The following PLIN2 variants were observed in gnomAD, a reference collection of about 807,000 sequenced individuals.
PLIN2 encodes the protein perilipin 2.
Under a neutral mutation model 30.6 loss-of-function variants are expected in PLIN2, and 33 were observed. The observed-to-expected ratio is 1.08, with a 90% CI of 0.82 to 1.44. PLIN2 has a LOEUF of 1.44. Ranked by LOEUF, PLIN2 falls within the 40% of genes most tolerant of loss-of-function variation. The probability of loss-of-function intolerance (pLI) is 0.00; values close to 1 mark genes in which losing one functional copy is unlikely to be tolerated. For synonymous variants in PLIN2, 205 were observed against 201.1 expected (o/e 1.02, Z -0.16); for missense variants, 610 against 531.8 (o/e 1.15, Z -1.45).
chr9:19,112,742 A>G (rs1818174239), downstream of PLIN2, among the ~76,000 whole-genome samples: 2 of 151,818 alleles, frequency 1.3e-5, no homozygotes, highest in Non-Finnish European at 1.5e-5. Flanking sequence ...GAACACCACA[A>G]ATCCTGAGAC....
chr9:19,119,848 G>A lies in PLIN2; in HGVS notation c.596-17C>T, dbSNP rs928106107. On this transcript the variant is annotated splice_polypyrimidine_tract_variant and intron_variant, in intron 5 of 7. Transcript: ENST00000276914. The stretch of plus-strand genomic sequence containing the variant: ...CTTCTTTTTCTGAAGTTAGAAATAA[G>A]AGACAAAAAAACTTAAGGGATCACA... 11 of 1,539,292 alleles carry A rather than the reference G, an allele frequency of 7.1e-6. No homozygotes were observed. In the Admixed American group the frequency reaches 1.4e-4, roughly 19 times the overall value.
At chr9:19,112,889 T>G (rs905267169), downstream of PLIN2, among the ~76,000 whole-genome samples, 25 of 152,048 alleles carry the variant, frequency 1.6e-4, no homozygotes, top group African/African-American at 6.0e-4. Context: ...TGTTCTACAT[T>G]TTATTCTGCC....
intron 2 of PLIN2, among the ~76,000 whole-genome samples, chr9:19,109,706 G>A (rs894470120): frequency 2.6e-5 from 4 of 151,974 alleles, no homozygotes; most frequent in African/African-American, 7.2e-5. Flanking sequence ...GGTGGCTCAC[G>A]CCTGTAATCC....
At chr9:19,111,531 A>C (rs552351416), downstream of PLIN2, among the ~76,000 whole-genome samples, 23 of 151,814 alleles carry the variant, frequency 1.5e-4, no homozygotes, top group African/African-American at 5.6e-4. Flanking sequence ...CTTAACCCTC[A>C]CCAGTCCTAA....
In PLIN2 at chr9:19,119,671, C is replaced by A. The variant is rs1818281408; in HGVS notation, c.756G>T (p.Gln252His). Residue 252 changes from glutamine (Q) to histidine (H), a missense_variant, in exon 6 of 8, where the codon CAG (glutamine) becomes CAT (histidine). Transcript: ENST00000276914. ...AKQKSQQTIS[Q>H]LHSTVHLIEF... Reference sequence around the variant, plus strand: ...TCACCAGGTGAACAGTAGAATGGAGCTGAGAAATGGTCTGTTGGCTTTTTT... The same window carrying A: ...TCACCAGGTGAACAGTAGAATGGAGATGAGAAATGGTCTGTTGGCTTTTTT... 1.9e-6 allele frequency: 3 copies of A among 1,601,096 alleles called. No homozygotes were observed. The South Asian group carries it at 3.3e-5, about 18-fold the overall frequency.
rs776841814 is a variant in PLIN2, at chr9:19,119,825, T to C, written c.602A>G (p.Glu201Gly). 6.4e-7 allele frequency: 1 copy of C among 1,561,306 alleles called. No individual in the cohort carries two copies. The highest frequency in any genetic ancestry group is 1.2e-5 in the South Asian group (1 of 85,848). Reference protein sequence around the residue: ...LPLTEEELEKEAKKVEGFDLV... With the variant: ...LPLTEEELEKGAKKVEGFDLV... ...ATCAAATCCTTCAACTTTTTTTGCT[T>C]CTTTTTCTGAAGTTAGAAATAAGAG... Residue 201 changes from glutamate to glycine, a missense_variant, in exon 6 of 8, where the codon GAA (glutamate) becomes GGA (glycine). Physicochemically the swap from Glu to Gly is moderately conservative, Grantham distance 98 (BLOSUM62 -2). Coordinates refer to ENST00000276914, the MANE Select transcript of PLIN2 (RefSeq NM_001122.4).
downstream of PLIN2, among the ~76,000 whole-genome samples, chr9:19,113,515 A>G (rs1038956973): frequency 5.9e-5 from 9 of 151,894 alleles, no homozygotes; most frequent in African/African-American, 2.2e-4. Context: ...TCTCCAACTC[A>G]ACTCACCTGT....
In PLIN2 at chr9:19,116,256, T is replaced by C; in HGVS notation, c.1306A>G (p.Thr436Ala). The change falls in exon 8 of 8, where the codon ACT (threonine) becomes GCT (alanine). Residue 436 changes from threonine (T) to alanine (A), a missense_variant. By Grantham distance (58) the Thr-to-Ala change is moderately conservative. Transcript: ENST00000276914. The stretch of plus-strand genomic sequence containing the variant: ...TAGTGATAGGGGCAGGTTTAATGAG[T>C]TTTATGCTCAGATCGCTGGGTCTCC... The part of the protein sequence containing the change: ...SQETQRSEHK[T>A]H The C allele has an allele frequency of 1.3e-6, 2 of 1,588,592 alleles. No homozygotes were observed. The highest frequency in any genetic ancestry group is 8.6e-7 in the Non-Finnish European group (1 of 1,166,488).
downstream of PLIN2, among the ~76,000 whole-genome samples, chr9:19,114,098 A>C (rs182193661): frequency 1.5e-4 from 23 of 151,944 alleles, no homozygotes; most frequent in East Asian, 4.5e-3. Flanking sequence ...TGTTTTTAGT[A>C]GAGACTGGGT....
downstream of PLIN2, among the ~76,000 whole-genome samples, chr9:19,113,774 GTTTT>G (rs35017527): frequency 2.3e-5 from 3 of 131,384 alleles, no homozygotes; most frequent in African/African-American, 8.4e-5. Context: ...GTTATTTTTG[GTTTT>G]TTTTTTTTTT....
chr9:19,122,532 GGTATATA>G, intron 4 of PLIN2, among the ~76,000 whole-genome samples: 1 of 118,474 alleles, frequency 8.4e-6, no homozygotes, highest in Non-Finnish European at 1.8e-5. Flanking sequence ...ATATAGCCTA[GGTATATA>G]GCAGGCTATA....
chr9:19,111,318 G>C (rs1031117531), downstream of PLIN2, among the ~76,000 whole-genome samples: 1 of 152,140 alleles, frequency 6.6e-6, no homozygotes, highest in African/African-American at 2.4e-5. Flanking sequence ...AAAGTGCTAG[G>C]ATTACAGGCA....
chr9:19,111,266 G>A (rs573087549), downstream of PLIN2, among the ~76,000 whole-genome samples: 5 of 152,012 alleles, frequency 3.3e-5, no homozygotes, highest in South Asian at 2.1e-4. Context: ...CCAGGCTGCC[G>A]TTGAACTCCT....
downstream of PLIN2, among the ~76,000 whole-genome samples, chr9:19,115,017 G>C (rs571777105): frequency 1.1e-4 from 16 of 152,292 alleles, no homozygotes; most frequent in African/African-American, 3.4e-4. Flanking sequence ...TAGGACTCAC[G>C]CTTTAACTGG....
intron 4 of PLIN2, 150 bp from the exon 5 acceptor site, chr9:19,121,315 G>A: frequency 1.5e-6 from 1 of 670,404 alleles, no homozygotes; most frequent in Non-Finnish European, 2.5e-6. Context: ...GTCACTAAGA[G>A]TTGATGAGCC....
At chr9:19,111,583 C>T (rs1010461215), downstream of PLIN2, among the ~76,000 whole-genome samples, 2 of 151,898 alleles carry the variant, frequency 1.3e-5, no homozygotes, top group African/African-American at 4.8e-5. Flanking sequence ...CAAGTTGACA[C>T]CATTTTTTTT....
rs764329865 is a variant in PLIN2, at chr9:19,116,276, G to C, written c.1286C>G (p.Thr429Ser). ...ATGAGTTTTATGCTCAGATCGCTGG[G>C]TCTCCTGGCTGCTCTTGTCCATCTC... ...GAEMDKSSQE[T>S]QRSEHKTH is the part of the protein sequence containing the mutation. Residue 429 changes from threonine (T) to serine (S), a missense_variant, in exon 8 of 8, where the codon ACC becomes AGC. Physicochemically the swap from Thr to Ser is moderately conservative, Grantham distance 58. Coordinates refer to ENST00000276914, the MANE Select transcript of PLIN2 (RefSeq NM_001122.4). 2 of 1,605,210 alleles carry C rather than the reference G, an allele frequency of 1.2e-6. No individual in the cohort carries two copies. Among genetic ancestry groups the C allele is most frequent in the Non-Finnish European group, 1.7e-6 (2 of 1,175,172 alleles).
Position 19,116,316 on chromosome 9 carries a change from G to A in PLIN2, c.1246C>T (p.Gln416Ter), listed in dbSNP as rs758281077. 1.5e-5 allele frequency: 24 copies of A among 1,613,782 alleles called. No homozygotes were observed. Among genetic ancestry groups the A allele is most frequent in the South Asian group, 8.8e-5 (8 of 91,044 alleles). ...YPQLTESQNA[Q>*]DQGAEMDKSS... ...TTGTCCATCTCTGCACCTTGGTCCT[G>A]AGCATTCTGAGACTCAGTCAGCTGA... is the stretch of plus-strand genomic sequence containing the variant. The change falls in exon 8 of 8, where the codon CAG becomes TAG. Residue 416 changes from glutamine to a stop codon, truncating the protein, a stop_gained. Transcript: ENST00000276914. LOFTEE classifies it low-confidence loss of function (END_TRUNC).
chr9:19,117,521 A>G (rs1818246711), intron 7 of PLIN2, among the ~76,000 whole-genome samples: 1 of 150,640 alleles, frequency 6.6e-6, no homozygotes, highest in Non-Finnish European at 1.5e-5. Context: ...TAGTTTATTC[A>G]CCCATTAGTT....
Sources: gnomAD v4.1 joint callset for allele counts (sites outside exome capture counted in the v4.1 genomes callset) on GRCh38, gnomAD v4.1.1 for gene constraint, MANE v1.5 for transcripts, NCBI Gene and HGNC (gene_info 2026-07-23, HGNC 2026-07-21) for gene names.